The following ENPP1 variants were observed in gnomAD, a reference collection of about 807,000 sequenced individuals.
ENPP1 encodes ectonucleotide pyrophosphatase/phosphodiesterase 1, also known as ectonucleotide pyrophosphatase/phosphodiesterase family member 1.
ENPP1 carries 73 observed loss-of-function variants against 122.8 expected under a neutral mutation model. That is an observed-to-expected ratio of 0.59 (90% CI 0.49 to 0.72). The LOEUF (loss-of-function observed/expected upper bound fraction) is 0.72. ENPP1 is among the 30% of genes least tolerant of loss of function. The pLI, the probability that ENPP1 is intolerant of heterozygous loss-of-function variation, is 0.00. For synonymous variants in ENPP1, 367 were observed against 391.6 expected, an observed-to-expected ratio of 0.94 and a Z score of 0.74; for missense variants, 978 against 1,128.1, an observed-to-expected ratio of 0.87 and a Z score of 1.91.
At chr6:131,853,978 T>A (rs1476994517) in intron 5 of ENPP1, among the ~76,000 whole-genome samples, 1 of 152,234 alleles carries the variant, frequency 6.6e-6, no homozygotes, top group Non-Finnish European at 1.5e-5. Context: ...TATGTATGTA[T>A]GTGTTGTTGA....
At position 131,880,579 on chromosome 6, in the gene ENPP1, G is replaced by A. The variant is rs1222680252; in HGVS notation, c.2100+545G>A. 3.0e-4 allele frequency among the ~76,000 whole-genome samples: 44 copies of A among 146,340 alleles called. 1 individual carries two copies. Among genetic ancestry groups the A allele is most frequent in the African/African-American group, 1.2e-3 (43 of 37,172 alleles). ...GAGACTCCATCTCAAAAAAAAAAAA[G>A]AAAGAAAGAAAGAAAAGAATTCTCT... On this transcript the variant is annotated intron_variant, in intron 20 of 24. Coordinates refer to ENST00000647893, the MANE Select transcript of ENPP1 (RefSeq NM_006208.3).
intron 1 of ENPP1, among the ~76,000 whole-genome samples, chr6:131,846,366 A>G (rs900084918): frequency 2.0e-5 from 3 of 152,076 alleles, no homozygotes; most frequent in Non-Finnish European, 2.9e-5. Flanking sequence ...TTTATCTGCC[A>G]CCTTCCATGT....
intron 1 of ENPP1, chr6:131,827,552 G>C (rs375849829): frequency 8.3e-6 from 5 of 604,916 alleles, no homozygotes; most frequent in African/African-American, 3.7e-5. Flanking sequence ...CATGTCAACT[G>C]AACAGTCAAT....
At chr6:131,818,208 GGT>G (rs1781440646) in intron 1 of ENPP1, among the ~76,000 whole-genome samples, 1 of 151,794 alleles carries the variant, frequency 6.6e-6, no homozygotes, top group South Asian at 2.1e-4. Flanking sequence ...TTTACACCGT[GGT>G]ATTAAAGGAG....
At position 131,884,547 on chromosome 6, in the gene ENPP1, G is replaced by A. The variant is rs74513577; in HGVS notation, c.2312-384G>A. 4.6e-5 allele frequency among the ~76,000 whole-genome samples: 7 copies of A among 152,288 alleles called. No homozygotes were observed. The East Asian group carries it at 1.4e-3, about 29-fold the overall frequency. ...GCCCTTTGGGGAGTCCAACTCAGAA[G>A]GACTGCTTGAGGCCAGGAGTTCAAG... On this transcript the variant is annotated intron_variant, in intron 22 of 24. Coordinates refer to ENST00000647893, the MANE Select transcript of ENPP1 (RefSeq NM_006208.3).
Position 131,851,269 on chromosome 6 carries a change from T to C in ENPP1, c.556+2T>C. ...TCAACTACAGTTCTGTGTGTCAAGG[T>C]CAGGTGCTCGTTGGGCTCTGCAGCA... On this transcript the variant is annotated splice_donor_variant, in intron 4 of 24. Coordinates refer to ENST00000647893, the MANE Select transcript of ENPP1 (RefSeq NM_006208.3). LOFTEE classifies it high-confidence loss of function. 1 of 1,614,128 alleles carries C rather than the reference T, an allele frequency of 6.2e-7. No homozygotes were observed. The highest frequency in any genetic ancestry group is 8.5e-7 in the Non-Finnish European group (1 of 1,179,970).
Position 131,871,959 on chromosome 6 carries a change from C to T in ENPP1, c.1406-111C>T, listed in dbSNP as rs987974510. ...AATGACTTAAATGAACTCTTTAAAA[C>T]CTGCCTTGGTATTTAAATGCAGAGT... On this transcript the variant is annotated intron_variant, in intron 13 of 24. Coordinates refer to ENST00000647893, the MANE Select transcript of ENPP1 (RefSeq NM_006208.3). 1.4e-5 allele frequency: 12 copies of T among 845,258 alleles called. No homozygotes were observed. In the African/African-American group the frequency reaches 1.9e-4, roughly 13 times the overall value. The allele number at this position is 845,258 out of a possible 1,614,324, so 52.4% of individuals were successfully genotyped here.
chr6:131,890,597 C>T lies in ENPP1; in HGVS notation c.*86C>T. On this transcript the variant is annotated 3_prime_UTR_variant, in exon 25 of 25. Coordinates refer to ENST00000647893, the MANE Select transcript of ENPP1 (RefSeq NM_006208.3). ...CCTCTAGCTACACTATTGCATTGTT[C>T]AGAAACTGTCGACCAGAGTTAGAAC... 1 of 1,221,666 alleles carries T rather than the reference C, an allele frequency of 8.2e-7. No individual in the cohort carries two copies. The highest frequency in any genetic ancestry group is 1.2e-6 in the Non-Finnish European group (1 of 829,340). The allele number at this position is 1,221,666 out of a possible 1,614,324, so 75.7% of individuals were successfully genotyped here. A position where few individuals can be genotyped will look rare whatever the true frequency, so the allele number is the denominator to read the frequency against.
At chr6:131,853,967 A>G (rs968854614) in intron 5 of ENPP1, among the ~76,000 whole-genome samples, 3 of 152,158 alleles carry the variant, frequency 2.0e-5, no homozygotes, top group African/African-American at 2.4e-5. Flanking sequence ...AACTGTTTGT[A>G]TATGTATGTA....
At chr6:131,859,936 A>G (rs1052468867) in intron 7 of ENPP1, among the ~76,000 whole-genome samples, 1 of 152,170 alleles carries the variant, frequency 6.6e-6, no homozygotes, top group African/African-American at 2.4e-5. Context: ...TCCTGCATTC[A>G]TGAAAAACAG....
At chr6:131,869,828 C>T (rs1194582278) in intron 13 of ENPP1, among the ~76,000 whole-genome samples, 2 of 144,628 alleles carry the variant, frequency 1.4e-5, no homozygotes, top group African/African-American at 5.3e-5. Flanking sequence ...TGTACTCCAG[C>T]CTGGGCAACT....
chr6:131,850,611 C>G lies in ENPP1; in HGVS notation c.430+505C>G, dbSNP rs1370970132. The stretch of plus-strand genomic sequence containing the variant: ...AAAGACAGGGACTTGTTCTGTCACC[C>G]AGGCTGGAGAGCCGTTGCTCGACCA... On this transcript the variant is annotated intron_variant, in intron 3 of 24. Coordinates refer to ENST00000647893, the MANE Select transcript of ENPP1 (RefSeq NM_006208.3). Among the ~76,000 whole-genome samples the G allele has an allele frequency of 3.3e-5, 5 of 152,132 alleles. No homozygotes were observed. In the East Asian group the frequency reaches 9.6e-4, roughly 29 times the overall value.
At chr6:131,822,539 G>A (rs1385128860) in intron 1 of ENPP1, among the ~76,000 whole-genome samples, 2 of 151,132 alleles carry the variant, frequency 1.3e-5, no homozygotes, top group South Asian at 2.1e-4. Flanking sequence ...TTGCTTTTGG[G>A]TTTTTTCCCC....
chr6:131,889,358 A>G (rs916846691), intron 24 of ENPP1, among the ~76,000 whole-genome samples: 1 of 152,054 alleles, frequency 6.6e-6, no homozygotes, highest in South Asian at 2.1e-4. Flanking sequence ...TCCATTAGCT[A>G]TTCTTTCTGA....
chr6:131,841,843 G>A (rs1781744185), intron 1 of ENPP1, among the ~76,000 whole-genome samples: 1 of 152,162 alleles, frequency 6.6e-6, no homozygotes, highest in South Asian at 2.1e-4. Flanking sequence ...GGAGGGTCTA[G>A]CAAGTCCAAG....
chr6:131,843,000 C>A (rs1166429591), intron 1 of ENPP1, among the ~76,000 whole-genome samples: 1 of 152,086 alleles, frequency 6.6e-6, no homozygotes, highest in Non-Finnish European at 1.5e-5. Context: ...CTTTTACTTT[C>A]TGTCTCCCAG....
chr6:131,814,425 A>G lies in ENPP1; in HGVS notation c.240+6150A>G, dbSNP rs1446676638. On this transcript the variant is annotated intron_variant, in intron 1 of 24. Transcript: ENST00000647893. ...CTAAAGAAAAAAAAAACCAAGGCAA[A>G]ATTAATGTAATTATAGAGCTTTATT... Among the ~76,000 whole-genome samples the G allele has an allele frequency of 3.3e-5, 5 of 152,192 alleles. No individual in the cohort carries two copies. In the South Asian group the frequency reaches 6.2e-4, roughly 19 times the overall value.
chr6:131,860,832 C>T (rs1162643461), intron 8 of ENPP1, among the ~76,000 whole-genome samples: 1 of 152,044 alleles, frequency 6.6e-6, no homozygotes, highest in East Asian at 1.9e-4. Context: ...TTTTGAACGT[C>T]TTGGTTTTAT....
At chr6:131,882,194 A>T in intron 20 of ENPP1, 151 bp from the exon 21 acceptor site, 2 of 579,294 alleles carry the variant, frequency 3.5e-6, no homozygotes, top group Non-Finnish European at 3.1e-6. Flanking sequence ...TTAGAAAAAA[A>T]GATGAATATA....
Sources: allele counts gnomAD v4.1 joint callset (sites outside exome capture counted in the v4.1 genomes callset), GRCh38; gene constraint gnomAD v4.1.1; transcripts MANE v1.5; gene names NCBI Gene and HGNC (gene_info 2026-07-23, HGNC 2026-07-21).